The following POM121C variants were observed in gnomAD, a reference collection of about 807,000 sequenced individuals.
POM121C encodes POM121 transmembrane nucleoporin C.
POM121C carries 20 observed loss-of-function variants against 66.4 expected under a neutral mutation model. The observed-to-expected ratio is 0.30, with a 90% CI of 0.21 to 0.44. POM121C has a LOEUF of 0.44. POM121C is among the 20% of genes least tolerant of loss of function. POM121C has a pLI of 1.00. For missense variants in POM121C, 580 were observed against 1,225.7 expected (o/e 0.47, Z 7.87); for synonymous variants, 286 against 528.0 (o/e 0.54, Z 6.28).
intron 1 of POM121C, among the ~76,000 whole-genome samples, chr7:75,475,943 AG>A (rs1792054781): frequency 6.6e-6 from 1 of 151,848 alleles, no homozygotes; most frequent in Non-Finnish European, 1.5e-5. Context: ...GAATATGATG[AG>A]GTGTAAAAGT....
At chr7:75,452,674 C>A (rs1168444936) in intron 3 of POM121C, among the ~76,000 whole-genome samples, 3 of 152,064 alleles carry the variant, frequency 2.0e-5, no homozygotes, top group African/African-American at 7.3e-5. Context: ...TTAACCCCAA[C>A]AATCTAACAT....
chr7:75,477,805 G>A (rs587729095), intron 1 of POM121C, among the ~76,000 whole-genome samples: 6 of 151,624 alleles, frequency 4.0e-5, no homozygotes, highest in African/African-American at 1.5e-4. Flanking sequence ...CATATAGACA[G>A]AGACATGAGG....
chr7:75,442,063 T>A (rs2005605), intron 3 of POM121C: 38 of 1,304,544 alleles, frequency 2.9e-5, no homozygotes, highest in Middle Eastern at 2.4e-4. Flanking sequence ...TTGATGAAAA[T>A]GCAAATCGGA....
Position 75,416,935 on chromosome 7 carries a change from T to C in POM121C, c.*1861A>G, listed in dbSNP as rs1208539714. The C allele has an allele frequency of 1.4e-6, 2 of 1,417,312 alleles. No homozygotes were observed. The highest frequency in any genetic ancestry group is 1.8e-6 in the Non-Finnish European group (2 of 1,089,374). The allele number at this position is 1,417,312 out of a possible 1,614,324, so 87.8% of individuals were successfully genotyped here. Reference sequence around the variant, plus strand: ...TCCCGCTGCCGTCCAGTGTGTGTACTGTACACATCCACACTCACTCTCACT... The same window carrying C: ...TCCCGCTGCCGTCCAGTGTGTGTACCGTACACATCCACACTCACTCTCACT... On this transcript the variant is annotated 3_prime_UTR_variant, in exon 15 of 15. Coordinates refer to ENST00000615331, the MANE Select transcript of POM121C (RefSeq NM_001099415.3).
chr7:75,451,210 A>AT (rs1330951765), intron 3 of POM121C, among the ~76,000 whole-genome samples: 1 of 152,174 alleles, frequency 6.6e-6, no homozygotes, highest in African/African-American at 2.4e-5. Flanking sequence ...ACGAGCCCAT[A>AT]TAGCCAAGAC....
rs377750629 is a variant in POM121C at position 75,486,126 on chromosome 7, G to A, written c.-720C>T. The A allele has an allele frequency of 2.9e-6, 1 of 345,094 alleles. No homozygotes were observed. Among genetic ancestry groups the A allele is most frequent in the Non-Finnish European group, 5.5e-6 (1 of 180,636 alleles). The allele number at this position is 345,094 out of a possible 1,614,324, so 21.4% of individuals were successfully genotyped here. A position where few individuals can be genotyped will look rare whatever the true frequency, so the allele number is the denominator to read the frequency against. ...GGTTCACGCTCGGGGGTCCCAGCTC[G>A]AGCCTCTACCCGGCCCGCGCGAACC... On this transcript the variant is annotated 5_prime_UTR_variant, in exon 1 of 15. Transcript: ENST00000615331.
chr7:75,437,808 C>T, intron 6 of POM121C, 122 bp from the exon 7 acceptor site: 2 of 1,379,088 alleles, frequency 1.5e-6, no homozygotes, highest in South Asian at 3.6e-5. Flanking sequence ...TTAATTTTTA[C>T]TGCTAACAAT....
At chr7:75,478,283 A>C (rs1478548988) in intron 1 of POM121C, among the ~76,000 whole-genome samples, 4 of 152,164 alleles carry the variant, frequency 2.6e-5, no homozygotes, top group Non-Finnish European at 5.9e-5. Context: ...AGTGGTTTTC[A>C]AGGCACTGAT....
intron 5 of POM121C, among the ~76,000 whole-genome samples, 160 bp from the exon 6 acceptor site, chr7:75,439,384 T>G (rs1339434903): frequency 6.6e-6 from 1 of 150,950 alleles, no homozygotes; most frequent in Non-Finnish European, 1.5e-5. Context: ...TTCTGAAAGG[T>G]AAATTTTTTT....
chr7:75,468,500 G>A (rs1321286671), intron 3 of POM121C, among the ~76,000 whole-genome samples: 2 of 151,748 alleles, frequency 1.3e-5, no homozygotes, highest in Non-Finnish European at 2.9e-5. Flanking sequence ...TGTATTTTTA[G>A]TAGAGACAGG....
intron 1 of POM121C, among the ~76,000 whole-genome samples, chr7:75,479,942 GACAA>G (rs1380926375): frequency 4.5e-4 from 68 of 151,520 alleles, no homozygotes; most frequent in African/African-American, 1.6e-3. Context: ...AAGGAAGGAA[GACAA>G]ACAGAGACAT....
At position 75,466,618 on chromosome 7, in the gene POM121C, T is replaced by TA. The variant is rs1173506428; in HGVS notation, c.-152+8085dup. Among the ~76,000 whole-genome samples the TA allele has an allele frequency of 8.2e-3, 1,088 of 131,898 alleles. 5 individuals carry two copies. The highest frequency in any genetic ancestry group is 0.019 in the African/African-American group (677 of 36,048). The allele number at this position is 131,898 out of a possible 152,430, so 86.5% of individuals were successfully genotyped here. ...AGACTCCATCTCAAAAAATAAAAAT[T>TA]AAAAAAAAAAAAATGTAAGAGTAGA... On this transcript the variant is annotated intron_variant, in intron 3 of 14. Coordinates refer to ENST00000615331, the MANE Select transcript of POM121C (RefSeq NM_001099415.3).
intron 7 of POM121C, among the ~76,000 whole-genome samples, chr7:75,433,166 C>T (rs587694712): frequency 6.5e-5 from 8 of 122,492 alleles, no homozygotes; most frequent in East Asian, 3.0e-4. Context: ...ACCCAGGAGG[C>T]GGAGATTGCA....
intron 3 of POM121C, among the ~76,000 whole-genome samples, chr7:75,470,705 C>T (rs1299528856): frequency 1.3e-5 from 2 of 151,466 alleles, no homozygotes; most frequent in Non-Finnish European, 2.9e-5. Flanking sequence ...CTATCACAGC[C>T]CACTGCAGCC....
intron 3 of POM121C, among the ~76,000 whole-genome samples, chr7:75,466,722 T>C (rs1172412837): frequency 7.2e-6 from 1 of 138,178 alleles, no homozygotes; most frequent in Non-Finnish European, 1.6e-5. Context: ...CAATTAAAAA[T>C]AAGAAATCCC....
At chr7:75,435,988 T>C (rs1359839301) in intron 7 of POM121C, among the ~76,000 whole-genome samples, 2 of 151,928 alleles carry the variant, frequency 1.3e-5, no homozygotes, top group African/African-American at 4.8e-5. Flanking sequence ...GAAGCAGAGA[T>C]TGCAGTGAGC....
chr7:75,482,595 C>T (rs1266651478), intron 1 of POM121C, among the ~76,000 whole-genome samples: 1 of 152,042 alleles, frequency 6.6e-6, no homozygotes, highest in African/African-American at 2.4e-5. Context: ...GAGGCTGAGG[C>T]AAGAGGATCG....
At chr7:75,476,260 C>T (rs1426999229) in intron 1 of POM121C, among the ~76,000 whole-genome samples, 4 of 148,936 alleles carry the variant, frequency 2.7e-5, no homozygotes, top group African/African-American at 9.8e-5. Flanking sequence ...CACTGCACTC[C>T]AGCCTAGGCA....
intron 11 of POM121C, 117 bp from the exon 12 acceptor site, chr7:75,424,342 T>G: frequency 1.6e-6 from 2 of 1,237,074 alleles, no homozygotes. Flanking sequence ...TAAATTGCAG[T>G]AGTCCCTGCT....
Sources: allele counts gnomAD v4.1 joint callset (sites outside exome capture counted in the v4.1 genomes callset), GRCh38; gene constraint gnomAD v4.1.1; transcripts MANE v1.5; gene names NCBI Gene and HGNC (gene_info 2026-07-23, HGNC 2026-07-21).